The following CEP170 variants were observed in gnomAD, a reference collection of about 807,000 sequenced individuals.
CEP170 encodes centrosomal protein of 170 kDa.
CEP170 carries 21 observed loss-of-function variants against 151.9 expected under a neutral mutation model. The observed-to-expected ratio is 0.14, with a 90% CI of 0.10 to 0.20. The LOEUF (loss-of-function observed/expected upper bound fraction) is 0.20. Ranked by LOEUF, CEP170 falls within the 10% of genes least tolerant of loss-of-function variation. The probability of loss-of-function intolerance (pLI) is 1.00; values close to 1 mark genes in which losing one functional copy is unlikely to be tolerated. For synonymous variants in CEP170, 356 were observed against 648.8 expected (o/e 0.55, Z 6.86); for missense variants, 964 against 1,892.9 (o/e 0.51, Z 9.11).
At position 243,126,305 on chromosome 1, in the gene CEP170, AAAAT is replaced by A. The variant is rs1281478710; in HGVS notation, c.*140_*143del. 29 of 883,018 alleles carry A rather than the reference AAAAT, an allele frequency of 3.3e-5. No homozygotes were observed. The East Asian group carries it at 6.6e-4, about 20-fold the overall frequency. The allele number at this position is 883,018 out of a possible 1,614,324, so 54.7% of individuals were successfully genotyped here. On this transcript the variant is annotated 3_prime_UTR_variant, in exon 20 of 20. Coordinates refer to ENST00000366542, the MANE Select transcript of CEP170 (RefSeq NM_014812.3). ...GATTGATATACTACATTATACGTCA[AAAAT>A]AAATAAATAAAATTAAGAAGACAGG...
chr1:243,214,473 A>G (rs1572363174), intron 3 of CEP170, among the ~76,000 whole-genome samples: 2 of 151,690 alleles, frequency 1.3e-5, no homozygotes, highest in African/African-American at 4.8e-5. Context: ...TTTAGTAGCG[A>G]TGGGGTTTCA....
At chr1:243,225,621 G>A (rs1202232020) in intron 1 of CEP170, among the ~76,000 whole-genome samples, 1 of 151,984 alleles carries the variant, frequency 6.6e-6, no homozygotes, top group African/African-American at 2.4e-5. Flanking sequence ...AGTTTATAAA[G>A]GTCTATAATC....
intron 10 of CEP170, among the ~76,000 whole-genome samples, chr1:243,182,086 A>T (rs1426366785): frequency 6.6e-6 from 1 of 152,056 alleles, no homozygotes; most frequent in Non-Finnish European, 1.5e-5. Flanking sequence ...TGAATATATT[A>T]ATGCTATCTT....
chr1:243,219,723 C>A (rs183957143), intron 3 of CEP170, among the ~76,000 whole-genome samples: 6 of 152,290 alleles, frequency 3.9e-5, no homozygotes, highest in African/African-American at 1.4e-4. Context: ...ATAACATTGT[C>A]AAAATGTTCC....
intron 4 of CEP170, among the ~76,000 whole-genome samples, chr1:243,209,401 G>T (rs2061625667): frequency 6.6e-6 from 1 of 152,010 alleles, no homozygotes; most frequent in Admixed American, 6.6e-5. Flanking sequence ...TGGCCAGGCT[G>T]GTCTTGAACT....
intron 3 of CEP170, among the ~76,000 whole-genome samples, chr1:243,214,257 T>C (rs951470252): frequency 1.3e-5 from 2 of 151,448 alleles, no homozygotes; most frequent in African/African-American, 2.4e-5. Flanking sequence ...GGCTATCCTA[T>C]TAACAAAATT....
rs866076955 is a variant in CEP170, at chr1:243,156,438, G to A, written c.3694C>T (p.Arg1232Cys). Residue 1232 changes from arginine (R) to cysteine (C), a missense_variant, in exon 14 of 20, where the codon CGC (arginine) becomes TGC (cysteine). Coordinates refer to ENST00000366542, the MANE Select transcript of CEP170 (RefSeq NM_014812.3). ...GSASVNSRWR[R>C]FPTDYASTSE... is the part of the protein sequence containing the mutation. ...GTGGAAGCATAATCAGTAGGAAAGC[G>A]CCTCCATCTTGAATTTACTAAATTA... 4 of 1,546,348 alleles carry A rather than the reference G, an allele frequency of 2.6e-6. No homozygotes were observed. The highest frequency in any genetic ancestry group is 2.5e-5 in the East Asian group (1 of 40,754).
chr1:243,164,865 G>A lies in CEP170; in HGVS notation c.3095C>T (p.Pro1032Leu). Residue 1032 changes from proline (P) to leucine (L), a missense_variant, in exon 13 of 20, where the codon CCT (proline) becomes CTT (leucine). By Grantham distance (98) the Pro-to-Leu change is moderately conservative (BLOSUM62 -3). Coordinates refer to ENST00000366542, the MANE Select transcript of CEP170 (RefSeq NM_014812.3). Reference sequence around the variant, plus strand: ...CATAATATCAGAGATGGCAGAATGAGGTACACTAGAGGTTTGGTCATCATC... The same window carrying A: ...CATAATATCAGAGATGGCAGAATGAAGTACACTAGAGGTTTGGTCATCATC... ...LTDDDQTSSV[P>L]HSAISDIMSS... 2 of 1,613,636 alleles carry A rather than the reference G, an allele frequency of 1.2e-6. No homozygotes were observed. Among genetic ancestry groups the A allele is most frequent in the Non-Finnish European group, 1.7e-6 (2 of 1,179,614 alleles).
rs564005527 is a variant in CEP170 at position 243,191,441 on chromosome 1, C to G, written c.685G>C (p.Glu229Gln). The change falls in exon 8 of 20, where the codon GAA becomes CAA. Residue 229 changes from glutamate to glutamine, a missense_variant. Physicochemically the swap from Glu to Gln is conservative, Grantham distance 29 (BLOSUM62 2). Transcript: ENST00000366542. ...TCCCTACAGAAAGGAAAAAGTACTT[C>G]TTCATTTGCAGCTGCAGATTGTTCC... ...VEEQSAAANE[E>Q]VLFPFCREPS... is the part of the protein sequence containing the mutation. 7 of 1,544,834 alleles carry G rather than the reference C, an allele frequency of 4.5e-6. No individual in the cohort carries two copies. The African/African-American group carries it at 7.0e-5, about 15-fold the overall frequency.
intron 4 of CEP170, among the ~76,000 whole-genome samples, chr1:243,201,329 T>C (rs2148838168): frequency 6.6e-6 from 1 of 152,242 alleles, no homozygotes; most frequent in Non-Finnish European, 1.5e-5. Flanking sequence ...TTAGGGTCCT[T>C]ACAGCAACCA....
At chr1:243,160,610 CACGCTTCAGAAA>C (rs1424537939) in intron 13 of CEP170, among the ~76,000 whole-genome samples, 2 of 152,032 alleles carry the variant, frequency 1.3e-5, no homozygotes, top group Admixed American at 1.3e-4. Context: ...ATTTTGCAAA[CACGCTTCAGAAA>C]ACACACATTG....
intron 10 of CEP170, among the ~76,000 whole-genome samples, chr1:243,181,318 T>A (rs2059604510): frequency 6.6e-6 from 1 of 152,188 alleles, no homozygotes. Context: ...TTTCTTATAG[T>A]GTATTTCCAT....
chr1:243,159,137 C>A (rs2148489101), intron 13 of CEP170, among the ~76,000 whole-genome samples: 1 of 152,184 alleles, frequency 6.6e-6, no homozygotes, highest in East Asian at 1.9e-4. Context: ...AAGGTAACAT[C>A]TTTAGGTATG....
chr1:243,130,472 A>C (rs2054272738), intron 17 of CEP170, among the ~76,000 whole-genome samples: 1 of 152,118 alleles, frequency 6.6e-6, no homozygotes, highest in South Asian at 2.1e-4. Context: ...AAGGACCACA[A>C]AATTTTGACG....
intron 1 of CEP170, among the ~76,000 whole-genome samples, chr1:243,240,312 AAAG>A (rs1187899514): frequency 6.6e-6 from 1 of 152,196 alleles, no homozygotes; most frequent in African/African-American, 2.4e-5. Context: ...GTCTCAAAAA[AAAG>A]AATACAATCC....
Position 243,164,967 on chromosome 1 carries a change from T to A in CEP170, c.2993A>T (p.Asp998Val). The change falls in exon 13 of 20, where the codon GAT becomes GTT. Residue 998 changes from aspartate to valine, a missense_variant. By Grantham distance (152) the Asp-to-Val change is radical. Transcript: ENST00000366542. ...ACGACCATCTGCTCTTGAACCCACA[T>A]CTGTGGAACGACTTTTTGTTTTCTT... ...MEKKTKSRST[D>V]VGSRADGRKF... 6.2e-7 allele frequency: 1 copy of A among 1,613,878 alleles called. No individual in the cohort carries two copies. The highest frequency in any genetic ancestry group is 1.1e-5 in the South Asian group (1 of 91,082).
intron 3 of CEP170, among the ~76,000 whole-genome samples, chr1:243,213,016 A>G (rs1325152505): frequency 3.9e-5 from 6 of 152,178 alleles, no homozygotes; most frequent in African/African-American, 1.2e-4. Flanking sequence ...TAGAGGTGAG[A>G]TTAGTTTTAA....
chr1:243,193,646 G>C (rs577602413), intron 7 of CEP170, among the ~76,000 whole-genome samples: 2 of 152,112 alleles, frequency 1.3e-5, no homozygotes, highest in East Asian at 1.9e-4. Flanking sequence ...ACTTATACAA[G>C]TTAATAACTA....
chr1:243,225,048 T>A, intron 2 of CEP170, 128 bp downstream of exon 2: 1 of 474,148 alleles, frequency 2.1e-6, no homozygotes, highest in East Asian at 3.5e-5. Flanking sequence ...TTAATTAGAA[T>A]GATAGCTGGA....
Sources: gnomAD v4.1 joint callset for allele counts (sites outside exome capture counted in the v4.1 genomes callset) on GRCh38, gnomAD v4.1.1 for gene constraint, MANE v1.5 for transcripts, NCBI Gene and HGNC (gene_info 2026-07-23, HGNC 2026-07-21) for gene names.